Variants in PRCP observed in about 807,000 individuals in gnomAD.
The protein encoded by PRCP is lysosomal Pro-X carboxypeptidase.
In PRCP, 46 loss-of-function variants were observed where a neutral mutation model predicts 54.2. The observed-to-expected ratio is 0.85, with a 90% CI of 0.67 to 1.09. The LOEUF is 1.09. Ranked by LOEUF, PRCP falls within the 50% of genes least tolerant of loss-of-function variation. The pLI is 0.00. For synonymous variants in PRCP, 240 were observed against 212.2 expected (o/e 1.13, Z -1.14); for missense variants, 613 against 596.8 (o/e 1.03, Z -0.28).
At chr11:82,868,218 C>T (rs969339905) in intron 1 of PRCP, among the ~76,000 whole-genome samples, 2 of 152,060 alleles carry the variant, frequency 1.3e-5, no homozygotes, top group Non-Finnish European at 2.9e-5. Context: ...GATTGATAAA[C>T]ATTTAAAATC....
chr11:82,890,706 A>G lies in PRCP; in HGVS notation c.168+9529T>C, dbSNP rs1859986883. ...ATTCTCTCTTGCATCCACTCCAATG[A>G]GGCTTTCGCCTCCACTCACCCTCTG... On this transcript the variant is annotated intron_variant, in intron 1 of 8. Coordinates refer to ENST00000313010, the MANE Select transcript of PRCP (RefSeq NM_005040.4). Among the ~76,000 whole-genome samples, 6 of 152,340 alleles carry G rather than the reference A, an allele frequency of 3.9e-5. No homozygotes were observed. In the South Asian group the frequency reaches 1.2e-3, roughly 32 times the overall value.
intron 1 of PRCP, among the ~76,000 whole-genome samples, chr11:82,873,079 TA>T (rs397960059): frequency 6.8e-5 from 10 of 147,576 alleles, no homozygotes; most frequent in South Asian, 2.1e-4. Context: ...TTTTTTTTTT[TA>T]AAAAAAAAGA....
rs763330933 is a variant in PRCP, at chr11:82,860,125, AAAAAC to A, written c.169-13_169-9del. The A allele has an allele frequency of 1.7e-4, 257 of 1,473,380 alleles. 3 individuals carry two copies. In the South Asian group the frequency reaches 3.3e-3, roughly 19 times the overall value. The allele number at this position is 1,473,380 out of a possible 1,614,324, so 91.3% of individuals were successfully genotyped here. On this transcript the variant is annotated splice_polypyrimidine_tract_variant and intron_variant, in intron 1 of 8. Coordinates refer to ENST00000313010, the MANE Select transcript of PRCP (RefSeq NM_005040.4). ...AAATCCAAAATGATCAACCTGTGAT[AAAAAC>A]AAAACAAAACATATTTCAAAGGAAA... is the stretch of plus-strand genomic sequence containing the variant.
At chr11:82,882,425 A>T (rs867964044) in intron 1 of PRCP, among the ~76,000 whole-genome samples, 2 of 152,094 alleles carry the variant, frequency 1.3e-5, no homozygotes, top group Non-Finnish European at 2.9e-5. Context: ...GACACTAAGC[A>T]GTACAGACAG....
At chr11:82,878,275 A>G (rs1464326456) in intron 1 of PRCP, among the ~76,000 whole-genome samples, 1 of 152,138 alleles carries the variant, frequency 6.6e-6, no homozygotes, top group Non-Finnish European at 1.5e-5. Flanking sequence ...TGGACTGTGG[A>G]CTTTTGGGTT....
intron 1 of PRCP, among the ~76,000 whole-genome samples, chr11:82,867,341 G>A (rs1338078063): frequency 6.6e-6 from 1 of 152,038 alleles, no homozygotes; most frequent in African/African-American, 2.4e-5. Flanking sequence ...AGGGGGAATT[G>A]CTAAGTTATC....
chr11:82,886,265 G>A lies in PRCP; in HGVS notation c.168+13970C>T, dbSNP rs148337152. Reference sequence around the variant, plus strand: ...AATATGGGTTAATATCTCTAAATCAGCCATGAACTTCCTGAATTTTTTTAA... The same window carrying A: ...AATATGGGTTAATATCTCTAAATCAACCATGAACTTCCTGAATTTTTTTAA... On this transcript the variant is annotated intron_variant, in intron 1 of 8. Transcript: ENST00000313010. Among the ~76,000 whole-genome samples, 1,068 of 152,180 alleles carry A rather than the reference G, an allele frequency of 7.0e-3. 43 individuals are homozygous for A. The highest frequency in any genetic ancestry group is 0.064 in the Admixed American group (982 of 15,278).
intron 1 of PRCP, among the ~76,000 whole-genome samples, chr11:82,876,775 T>G (rs998168756): frequency 1.8e-4 from 28 of 152,206 alleles, no homozygotes; most frequent in African/African-American, 5.8e-4. Flanking sequence ...GTCCCGGGTA[T>G]GTCTTTGTCA....
chr11:82,862,619 C>T (rs1859233523), intron 1 of PRCP, among the ~76,000 whole-genome samples: 1 of 152,210 alleles, frequency 6.6e-6, no homozygotes, highest in Non-Finnish European at 1.5e-5. Flanking sequence ...ACCACTGGTC[C>T]CAAAACACAA....
intron 8 of PRCP, chr11:82,831,575 C>T (rs935144515): frequency 2.0e-5 from 3 of 152,182 alleles, no homozygotes; most frequent in African/African-American, 7.2e-5. Context: ...ACTTCAAAGC[C>T]TTAACAGAAA....
chr11:82,828,401 AAC>A (rs1485848016), intron 8 of PRCP: 1 of 152,150 alleles, frequency 6.6e-6, no homozygotes, highest in East Asian at 1.9e-4. Flanking sequence ...ATCTCATTGA[AAC>A]AGATTCCTTA....
Position 82,825,217 on chromosome 11 carries a change from A to G in PRCP, c.1275-95T>C, listed in dbSNP as rs1858197326. 3 of 1,108,094 alleles carry G rather than the reference A, an allele frequency of 2.7e-6. No individual in the cohort carries two copies. In the Admixed American group the frequency reaches 7.0e-5, roughly 26 times the overall value. 68.6% of individuals were successfully genotyped at this position (1,108,094 alleles called of 1,614,324 possible). ...GAAACCTATTACATGTTTAACACCT[A>G]AAATTATAAACTTGTAACCTGGGGG... On this transcript the variant is annotated intron_variant, in intron 8 of 8. Transcript: ENST00000313010.
intron 8 of PRCP, among the ~76,000 whole-genome samples, chr11:82,831,651 G>A (rs1386893191): frequency 6.6e-6 from 1 of 152,030 alleles, no homozygotes; most frequent in Non-Finnish European, 1.5e-5. Flanking sequence ...TTGGATTCAT[G>A]TGAGGCAGCC....
chr11:82,880,694 T>C (rs187801728), intron 1 of PRCP, among the ~76,000 whole-genome samples: 317 of 152,246 alleles, frequency 2.1e-3, no homozygotes, highest in African/African-American at 7.3e-3. Context: ...AGAAACACAG[T>C]CCAAATCAGA....
intron 8 of PRCP, chr11:82,829,193 C>A (rs955587946): frequency 6.6e-6 from 1 of 152,194 alleles, no homozygotes; most frequent in Non-Finnish European, 1.5e-5. Flanking sequence ...AAAACCTGAA[C>A]CAGATAATGT....
chr11:82,846,227 G>C (rs572090383), intron 6 of PRCP: 1 of 152,276 alleles, frequency 6.6e-6, no homozygotes, highest in East Asian at 1.9e-4. Flanking sequence ...CCAAGTGAAA[G>C]AGCAGTCCCC....
intron 1 of PRCP, 150 bp downstream of exon 1, chr11:82,900,085 G>A: frequency 9.9e-7 from 1 of 1,012,364 alleles, no homozygotes; most frequent in East Asian, 2.5e-5. Context: ...TGGGATTTGG[G>A]ACCACCTTCT....
At chr11:82,833,141 C>T (rs114098608) in intron 8 of PRCP, among the ~76,000 whole-genome samples, 76 of 152,200 alleles carry the variant, frequency 5.0e-4, no homozygotes, top group African/African-American at 1.7e-3. Context: ...ATTCATTATG[C>T]GCCAGTCACT....
At chr11:82,864,441 A>C (rs1859284065) in intron 1 of PRCP, among the ~76,000 whole-genome samples, 2 of 152,326 alleles carry the variant, frequency 1.3e-5, no homozygotes, top group South Asian at 4.1e-4. Flanking sequence ...CTCCTGAATA[A>C]AGATTTTATG....
Sources: gnomAD v4.1 joint callset for allele counts (sites outside exome capture counted in the v4.1 genomes callset) on GRCh38, gnomAD v4.1.1 for gene constraint, MANE v1.5 for transcripts, NCBI Gene and HGNC (gene_info 2026-07-23, HGNC 2026-07-21) for gene names.